The following ACYP2 variants were observed in gnomAD, a reference collection of about 807,000 sequenced individuals.
ACYP2 encodes acylphosphatase-2.
In ACYP2, 12 loss-of-function variants were observed where a neutral mutation model predicts 11.2. That is an observed-to-expected ratio of 1.08 (90% CI 0.69 to 1.74). The LOEUF (loss-of-function observed/expected upper bound fraction) is 1.74, where lower values mean the gene tolerates loss of function less well. ACYP2 is among the 40% of genes most tolerant of loss of function. The pLI is 0.00. For synonymous variants in ACYP2, 43 were observed against 32.2 expected, an observed-to-expected ratio of 1.33 and a Z score of -1.13; for missense variants, 134 against 101.9, an observed-to-expected ratio of 1.31 and a Z score of -1.35.
At chr2:54,256,290 G>A in intron 6 of ACYP2, 1 of 885,562 alleles carries the variant, frequency 1.1e-6, no homozygotes, top group Non-Finnish European at 1.7e-6. Flanking sequence ...CCACCCCTCA[G>A]TCTCGCGACA....
chr2:54,222,785 C>A (rs1685854621), intron 6 of ACYP2, among the ~76,000 whole-genome samples: 1 of 152,080 alleles, frequency 6.6e-6, no homozygotes, highest in Non-Finnish European at 1.5e-5. Flanking sequence ...CTTCATATGT[C>A]CTTGGAGGCC....
chr2:54,114,648 C>T (rs979393798), intron 4 of ACYP2, among the ~76,000 whole-genome samples: 14 of 152,212 alleles, frequency 9.2e-5, no homozygotes, highest in Non-Finnish European at 1.5e-4. Flanking sequence ...TGCACTACTG[C>T]ACTCCAGTCT....
chr2:54,290,201 C>T (rs968066488), intron 6 of ACYP2, among the ~76,000 whole-genome samples: 3 of 152,094 alleles, frequency 2.0e-5, no homozygotes, highest in Non-Finnish European at 2.9e-5. Context: ...ATCAATGGCA[C>T]CTGAAGCTTC....
At chr2:54,041,810 G>A (rs1433775623) in intron 2 of ACYP2, among the ~76,000 whole-genome samples, 1 of 151,786 alleles carries the variant, frequency 6.6e-6, no homozygotes, top group East Asian at 1.9e-4. Context: ...TTTCTTTTTA[G>A]AGTGGGGTCT....
chr2:54,202,862 A>G (rs1237253), intron 6 of ACYP2, among the ~76,000 whole-genome samples: 39,123 of 150,794 alleles, frequency 0.26, 5,310 homozygotes, highest in South Asian at 0.44. Context: ...GACAGTCTTG[A>G]TTACTGTAGT....
At chr2:53,995,986 T>C (rs1338856979) in intron 2 of ACYP2, among the ~76,000 whole-genome samples, 1 of 151,936 alleles carries the variant, frequency 6.6e-6, no homozygotes, top group African/African-American at 2.4e-5. Flanking sequence ...TACAAAAAAT[T>C]AGCTGGGCTT....
intron 6 of ACYP2, among the ~76,000 whole-genome samples, chr2:54,140,108 G>C (rs1431748305): frequency 6.6e-6 from 1 of 151,984 alleles, no homozygotes; most frequent in Non-Finnish European, 1.5e-5. Context: ...ACAAACTGTG[G>C]GGTGACAGTT....
At chr2:54,301,055 A>G (rs1443381682) in intron 6 of ACYP2, among the ~76,000 whole-genome samples, 1 of 152,150 alleles carries the variant, frequency 6.6e-6, no homozygotes, top group African/African-American at 2.4e-5. Context: ...GGCCATACAT[A>G]TTGGTAATAT....
At chr2:54,193,584 GT>G (rs1684330726) in intron 6 of ACYP2, among the ~76,000 whole-genome samples, 1 of 151,944 alleles carries the variant, frequency 6.6e-6, no homozygotes, top group Non-Finnish European at 1.5e-5. Flanking sequence ...CTTTATATTT[GT>G]TTTTTTCTTT....
intron 2 of ACYP2, among the ~76,000 whole-genome samples, chr2:54,039,898 C>A (rs1675134724): frequency 6.7e-6 from 1 of 148,242 alleles, no homozygotes; most frequent in African/African-American, 2.5e-5. Context: ...CTCTGTTGCC[C>A]AGGCTGGAGT....
intron 6 of ACYP2, among the ~76,000 whole-genome samples, chr2:54,292,311 G>T (rs1689343811): frequency 6.6e-6 from 1 of 151,918 alleles, no homozygotes; most frequent in African/African-American, 2.4e-5. Flanking sequence ...TACTAGCTAT[G>T]TAGTTATTGA....
intron 4 of ACYP2, among the ~76,000 whole-genome samples, chr2:54,058,547 GT>G (rs1422172707): frequency 5.9e-5 from 9 of 151,954 alleles, no homozygotes; most frequent in Non-Finnish European, 1.0e-4. Flanking sequence ...ACATTATGAT[GT>G]CAGTGTTGGT....
chr2:54,223,939 G>T (rs953473137), intron 6 of ACYP2, among the ~76,000 whole-genome samples: 2 of 152,032 alleles, frequency 1.3e-5, no homozygotes, highest in South Asian at 4.2e-4. Context: ...TTTATTTGGG[G>T]GTATATTCTT....
At chr2:54,236,158 A>C (rs192102368) in intron 6 of ACYP2, among the ~76,000 whole-genome samples, 510 of 151,616 alleles carry the variant, frequency 3.4e-3, no homozygotes, top group African/African-American at 0.012. Flanking sequence ...CTGGTCTCCA[A>C]CTCCTGGGCT....
intron 4 of ACYP2, among the ~76,000 whole-genome samples, chr2:54,086,370 C>T (rs10192403): frequency 0.2 from 29,953 of 152,032 alleles, 3,941 homozygotes; most frequent in African/African-American, 0.38. Context: ...ACAGTGAGGG[C>T]AGGCAGGGGA....
At chr2:54,095,345 T>G (rs889555051) in intron 4 of ACYP2, among the ~76,000 whole-genome samples, 22 of 152,360 alleles carry the variant, frequency 1.4e-4, no homozygotes, top group African/African-American at 5.1e-4. Context: ...TTCCCCCACT[T>G]CTATTCCACC....
At chr2:54,154,772 G>C (rs939140576) in intron 6 of ACYP2, among the ~76,000 whole-genome samples, 1 of 152,140 alleles carries the variant, frequency 6.6e-6, no homozygotes, top group Non-Finnish European at 1.5e-5. Context: ...TGGTATCAAG[G>C]TAATGCTAAC....
intron 4 of ACYP2, among the ~76,000 whole-genome samples, chr2:54,107,296 T>C (rs888046330): frequency 6.6e-6 from 1 of 152,256 alleles, no homozygotes; most frequent in African/African-American, 2.4e-5. Context: ...TAATACAGGC[T>C]ACCTAAGCCT....
intron 2 of ACYP2, among the ~76,000 whole-genome samples, chr2:54,018,011 T>G (rs1673792147): frequency 6.6e-6 from 1 of 152,136 alleles, no homozygotes; most frequent in African/African-American, 2.4e-5. Flanking sequence ...GTGCTCCTAT[T>G]TGAAAGCACA....
Sources: allele counts gnomAD v4.1 joint callset (sites outside exome capture counted in the v4.1 genomes callset), GRCh38; gene constraint gnomAD v4.1.1; transcripts MANE v1.5; gene names NCBI Gene and HGNC (gene_info 2026-07-23, HGNC 2026-07-21).